The following LMF1 variants were observed in gnomAD, a reference collection of about 807,000 sequenced individuals.
LMF1 encodes the protein transmembrane protein 112.
A neutral mutation model predicts 60.6 loss-of-function variants in LMF1; 68 were observed. The ratio of observed to expected loss-of-function variants is 1.12; its 90% CI spans 0.92 to 1.37. The LOEUF (loss-of-function observed/expected upper bound fraction) is 1.37, where lower values mean the gene tolerates loss of function less well. Ranked by LOEUF, LMF1 falls within the 40% of genes most tolerant of loss-of-function variation. LMF1 has a pLI of 0.00. For missense variants in LMF1, 948 were observed against 767.2 expected, an observed-to-expected ratio of 1.24 and a Z score of -2.78; for synonymous variants, 418 against 324.7, an observed-to-expected ratio of 1.29 and a Z score of -3.09.
In LMF1 at chr16:907,709, C is replaced by T. The variant is rs565804258; in HGVS notation, c.663+3222G>A. Reference sequence around the variant, plus strand: ...GAAGGGGTGTGCGTGCCTTCCTAGCCGGCTCTGTCCACAGGGTGGTTCATC... The same window carrying T: ...GAAGGGGTGTGCGTGCCTTCCTAGCTGGCTCTGTCCACAGGGTGGTTCATC... On this transcript the variant is annotated intron_variant, in intron 4 of 10. Transcript: ENST00000262301. 6.9e-4 allele frequency among the ~76,000 whole-genome samples: 105 copies of T among 152,282 alleles called. 1 individual carries two copies. Among genetic ancestry groups the T allele is most frequent in the Admixed American group, 5.5e-3 (84 of 15,298 alleles).
At chr16:942,603 C>T in intron 2 of LMF1, among the ~76,000 whole-genome samples, 1 of 139,626 alleles carries the variant, frequency 7.2e-6, no homozygotes, top group African/African-American at 2.6e-5. Flanking sequence ...TGCTACGTGC[C>T]CCATTCTCTG....
At position 949,575 on chromosome 16, in the gene LMF1, G is replaced by A. The variant is rs1490093052; in HGVS notation, c.503+4782C>T. On this transcript the variant is annotated intron_variant, in intron 2 of 10. Coordinates refer to ENST00000262301, the MANE Select transcript of LMF1 (RefSeq NM_022773.4). ...AGAGTCAGAGACAATGACAGAGTCA[G>A]AGACAACGACAGAGTCAGAGACGAC... 1.1e-4 allele frequency among the ~76,000 whole-genome samples: 14 copies of A among 124,958 alleles called. 1 individual carries two copies. The highest frequency in any genetic ancestry group is 2.3e-4 in the Non-Finnish European group (14 of 61,454). The allele number at this position is 124,958 out of a possible 152,430, so 82.0% of individuals were successfully genotyped here.
chr16:922,072 G>C (rs566629061), intron 3 of LMF1, among the ~76,000 whole-genome samples: 46 of 152,232 alleles, frequency 3.0e-4, no homozygotes, highest in African/African-American at 1.0e-3. Flanking sequence ...TCCCAGATGA[G>C]GTCCAGAGAG....
rs148042186 is a variant in LMF1, at chr16:897,868, C to T, written c.664-4796G>A. On this transcript the variant is annotated intron_variant, in intron 4 of 10. Transcript: ENST00000262301. This position sits in a 1 kb window ranked among gnomAD's most constrained non-coding sequence, Gnocchi z 4.3. Reference sequence around the variant, plus strand: ...GTTTCCGCACTTTCTTGCCCTCATGCAAGAGAGAACTGGCATGGGAGGTGG... The same window carrying T: ...GTTTCCGCACTTTCTTGCCCTCATGTAAGAGAGAACTGGCATGGGAGGTGG... 1.3e-3 allele frequency among the ~76,000 whole-genome samples: 193 copies of T among 152,348 alleles called. No individual in the cohort carries two copies. Among genetic ancestry groups the T allele is most frequent in the African/African-American group, 4.2e-3 (174 of 41,586 alleles).
At chr16:868,777 G>A (rs757054284) in intron 10 of LMF1, among the ~76,000 whole-genome samples, 167 bp downstream of exon 10, 42 of 75,350 alleles carry the variant, frequency 5.6e-4, no homozygotes, top group Non-Finnish European at 9.3e-4. Context: ...GATGTGGGGC[G>A]GGGGGGGGGG....
At chr16:888,842 A>C (rs529288394) in intron 5 of LMF1, among the ~76,000 whole-genome samples, 1 of 152,292 alleles carries the variant, frequency 6.6e-6, no homozygotes, top group East Asian at 1.9e-4. Context: ...AGAGGGATGC[A>C]CAGGTGGGCA....
intron 9 of LMF1, 91 bp downstream of exon 9, chr16:869,792 C>G: frequency 7.4e-7 from 1 of 1,345,704 alleles, no homozygotes; most frequent in Non-Finnish European, 1.0e-6. Flanking sequence ...CCACCAGCCC[C>G]TTCAGTGGGC....
intron 3 of LMF1, among the ~76,000 whole-genome samples, chr16:911,842 C>A (rs915628625): frequency 6.6e-6 from 1 of 152,054 alleles, no homozygotes; most frequent in Non-Finnish European, 1.5e-5. Flanking sequence ...GAACCAACAC[C>A]GGTCAGCCCC....
At chr16:927,247 C>T (rs1446286593) in intron 3 of LMF1, among the ~76,000 whole-genome samples, 1 of 152,214 alleles carries the variant, frequency 6.6e-6, no homozygotes, top group African/African-American at 2.4e-5. Context: ...TAAAAGTCAC[C>T]CAAGTGGGCT....
chr16:923,397 C>T lies in LMF1; in HGVS notation c.514+10847G>A, dbSNP rs114799978. On this transcript the variant is annotated intron_variant, in intron 3 of 10. Coordinates refer to ENST00000262301, the MANE Select transcript of LMF1 (RefSeq NM_022773.4). ...TGCCGGCTGAGGGGCTGAGAAGCTG[C>T]AGCACCCCAGTAGTAACGGGCACCC... is the stretch of plus-strand genomic sequence containing the variant. Among the ~76,000 whole-genome samples the T allele has an allele frequency of 2.5e-3, 375 of 152,260 alleles. 4 individuals carry two copies. Among genetic ancestry groups the T allele is most frequent in the African/African-American group, 8.4e-3 (351 of 41,546 alleles).
chr16:856,201 A>G, intron 10 of LMF1: 2 of 347,356 alleles, frequency 5.8e-6, no homozygotes, highest in Non-Finnish European at 1.1e-5. Flanking sequence ...CCTGGGCCCC[A>G]GGGGTCTTTC....
upstream of LMF1, among the ~76,000 whole-genome samples, chr16:971,385 G>C (rs2073049413): frequency 6.6e-6 from 1 of 152,226 alleles, no homozygotes; most frequent in East Asian, 1.9e-4. Flanking sequence ...ACAGGCCCTG[G>C]CGGTGCTACC....
chr16:905,816 C>T (rs2151749015), intron 4 of LMF1, among the ~76,000 whole-genome samples: 1 of 152,026 alleles, frequency 6.6e-6, no homozygotes, highest in South Asian at 2.1e-4. Context: ...ACTATGTTGC[C>T]CAGTCTGGGC....
chr16:970,276 G>A (rs2073013287), intron 1 of LMF1, among the ~76,000 whole-genome samples: 1 of 152,132 alleles, frequency 6.6e-6, no homozygotes, highest in Admixed American at 6.5e-5. Context: ...GCACGCGGCA[G>A]GGATGTGGCG....
Position 936,697 on chromosome 16 carries a change from T to C in LMF1, c.504-2443A>G, listed in dbSNP as rs540981194. Reference sequence around the variant, plus strand: ...ATCTTCCAAGCAACCGCTGTACACATTGGCTAATGCTAGAAATAAATTTAC... The same window carrying C: ...ATCTTCCAAGCAACCGCTGTACACACTGGCTAATGCTAGAAATAAATTTAC... On this transcript the variant is annotated intron_variant, in intron 2 of 10. Coordinates refer to ENST00000262301, the MANE Select transcript of LMF1 (RefSeq NM_022773.4). 2.6e-5 allele frequency among the ~76,000 whole-genome samples: 4 copies of C among 152,348 alleles called. No homozygotes were observed. In the South Asian group the frequency reaches 6.2e-4, roughly 24 times the overall value.
chr16:881,975 C>A (rs988578076), intron 5 of LMF1, among the ~76,000 whole-genome samples: 1 of 152,142 alleles, frequency 6.6e-6, no homozygotes, highest in Non-Finnish European at 1.5e-5. Flanking sequence ...AGAAGGAGGT[C>A]CCATGTGTTC....
chr16:854,461 G>C lies in LMF1; in HGVS notation c.*71C>G. The C allele has an allele frequency of 6.9e-7, 1 of 1,448,914 alleles. No homozygotes were observed. The highest frequency in any genetic ancestry group is 9.4e-7 in the Non-Finnish European group (1 of 1,064,834). 89.8% of individuals were successfully genotyped at this position (1,448,914 alleles called of 1,614,324 possible). On this transcript the variant is annotated 3_prime_UTR_variant, in exon 11 of 11. Transcript: ENST00000262301. ...CTCTTGGCGATGCCCAGCTTGGGCT[G>C]GGCGCAGGGAAGGGCAAACGTTGCT...
Position 963,118 on chromosome 16 carries a change from T to G in LMF1, c.193+7670A>C, listed in dbSNP as rs2072847165. On this transcript the variant is annotated intron_variant, in intron 1 of 10. Coordinates refer to ENST00000262301, the MANE Select transcript of LMF1 (RefSeq NM_022773.4). ...GCGGGACACAGACTGGACACAAGGC[T>G]GGACACAGGGTGGACATGAGGTGGG... Among the ~76,000 whole-genome samples the G allele has an allele frequency of 4.0e-5, 6 of 151,576 alleles. 1 individual carries two copies. The South Asian group carries it at 1.3e-3, about 32-fold the overall frequency.
At chr16:876,505 G>A (rs1427055514) in intron 6 of LMF1, among the ~76,000 whole-genome samples, 1 of 152,224 alleles carries the variant, frequency 6.6e-6, no homozygotes, top group Non-Finnish European at 1.5e-5. Flanking sequence ...AACTATACAA[G>A]GTCCTGGCCG....
Sources: gnomAD v4.1 joint callset for allele counts (sites outside exome capture counted in the v4.1 genomes callset) on GRCh38, gnomAD v4.1.1 for gene constraint, Gnocchi (gnomAD v3.1) non-coding constraint, MANE v1.5 for transcripts, NCBI Gene and HGNC (gene_info 2026-07-23, HGNC 2026-07-21) for gene names.